The following COL4A1 variants were observed in gnomAD, a reference collection of about 807,000 sequenced individuals.
The protein encoded by COL4A1 is collagen type IV alpha 1 chain.
In COL4A1, 40 loss-of-function variants were observed where a neutral mutation model predicts 216.6. The ratio of observed to expected loss-of-function variants is 0.18; its 90% CI spans 0.14 to 0.24. COL4A1 has a LOEUF of 0.24. COL4A1 is among the 10% of genes least tolerant of loss of function. The pLI, the probability that COL4A1 is intolerant of heterozygous loss-of-function variation, is 1.00. For synonymous variants in COL4A1, 839 were observed against 810.7 expected (o/e 1.03, Z -0.59); for missense variants, 1,628 against 2,196.8 (o/e 0.74, Z 5.18).
chr13:110,158,431 T>C (rs1322385035), intron 49 of COL4A1, among the ~76,000 whole-genome samples: 1 of 152,170 alleles, frequency 6.6e-6, no homozygotes, highest in African/African-American at 2.4e-5. Flanking sequence ...GGCATGTTCA[T>C]CTAATGAAAG....
At chr13:110,219,707 C>T (rs1192190) in intron 2 of COL4A1, among the ~76,000 whole-genome samples, 881 of 37,068 alleles carry the variant, frequency 0.024, 9 homozygotes, top group African/African-American at 0.057. Context: ...TATGTATATA[C>T]ATATGTGTAT....
chr13:110,190,234 T>C (rs2893362), intron 24 of COL4A1, among the ~76,000 whole-genome samples: 1 of 152,088 alleles, frequency 6.6e-6, no homozygotes, highest in Admixed American at 6.6e-5. Context: ...AACTTCTTGA[T>C]TCTAAGTAGT....
At chr13:110,214,440 A>C (rs917185330) in intron 2 of COL4A1, among the ~76,000 whole-genome samples, 1 of 152,166 alleles carries the variant, frequency 6.6e-6, no homozygotes, top group Admixed American at 6.5e-5. Flanking sequence ...GGATAATCAG[A>C]GAGCTGGTAA....
chr13:110,219,716 A>ATATATATGTATATACATATGTG (rs1566385128), intron 2 of COL4A1, among the ~76,000 whole-genome samples: 4 of 137,414 alleles, frequency 2.9e-5, no homozygotes, highest in South Asian at 2.3e-4. Flanking sequence ...ACATATGTGT[A>ATATATATGTATATACATATGTG]TATATATGTG....
intron 24 of COL4A1, among the ~76,000 whole-genome samples, chr13:110,189,877 C>T (rs1246534021): frequency 6.9e-6 from 1 of 145,276 alleles, no homozygotes. Context: ...AGGGTAGGAC[C>T]AAGGTTTCCT....
intron 4 of COL4A1, among the ~76,000 whole-genome samples, chr13:110,213,191 G>A (rs1252482728): frequency 6.6e-6 from 1 of 151,910 alleles, no homozygotes; most frequent in Non-Finnish European, 1.5e-5. Flanking sequence ...GGTGACAGGT[G>A]CACTAAAATC....
intron 1 of COL4A1, among the ~76,000 whole-genome samples, chr13:110,302,082 G>C (rs1566456925): frequency 6.6e-6 from 1 of 152,180 alleles, no homozygotes; most frequent in Non-Finnish European, 1.5e-5. Context: ...CTGGAAGGGA[G>C]TCCCAGCCGT....
chr13:110,170,526 C>A, intron 42 of COL4A1, 21 bp downstream of exon 42: 1 of 1,582,854 alleles, frequency 6.3e-7, no homozygotes, highest in Non-Finnish European at 8.6e-7. Flanking sequence ...TCAGCCCTGG[C>A]CCCTGGCGAG....
At chr13:110,161,488 T>C (rs1359380448) in intron 48 of COL4A1, 119 bp from the exon 49 acceptor site, 1 of 1,194,724 alleles carries the variant, frequency 8.4e-7, no homozygotes, top group Non-Finnish European at 1.2e-6. Flanking sequence ...ATCACTGAAA[T>C]GGAAATGTAT....
At chr13:110,218,214 G>GCCCTACGACA (rs5806842) in intron 2 of COL4A1, among the ~76,000 whole-genome samples, 1 of 152,062 alleles carries the variant, frequency 6.6e-6, no homozygotes, top group Non-Finnish European at 1.5e-5. Context: ...ACTGTCAAAG[G>GCCCTACGACA]CCTGTTTCAG....
chr13:110,281,722 T>C (rs1566441385), intron 1 of COL4A1, among the ~76,000 whole-genome samples: 2 of 152,216 alleles, frequency 1.3e-5, no homozygotes, highest in Non-Finnish European at 2.9e-5. Flanking sequence ...CCAATGAATT[T>C]TCACAAAATA....
At chr13:110,248,458 GT>G (rs1449354416) in intron 1 of COL4A1, among the ~76,000 whole-genome samples, 1 of 152,184 alleles carries the variant, frequency 6.6e-6, no homozygotes, top group Non-Finnish European at 1.5e-5. Context: ...GCACTGGTAC[GT>G]TGCTCCAACT....
intron 1 of COL4A1, among the ~76,000 whole-genome samples, chr13:110,260,872 C>T (rs1315388722): frequency 1.3e-5 from 2 of 151,560 alleles, no homozygotes; most frequent in Non-Finnish European, 2.9e-5. Context: ...CTCGTCTCTA[C>T]TAAAAATACA....
chr13:110,279,091 G>A (rs73617438), intron 1 of COL4A1, among the ~76,000 whole-genome samples: 17,663 of 152,074 alleles, frequency 0.12, 1,145 homozygotes, highest in Non-Finnish European at 0.13. Context: ...GGCCACAGGT[G>A]CTCTCAATGT....
At chr13:110,243,566 G>A (rs1021804119) in intron 1 of COL4A1, among the ~76,000 whole-genome samples, 3 of 152,122 alleles carry the variant, frequency 2.0e-5, no homozygotes, top group African/African-American at 4.8e-5. Flanking sequence ...TGATCCACCC[G>A]CCTCAGCCTC....
intron 1 of COL4A1, among the ~76,000 whole-genome samples, chr13:110,281,342 CTG>C (rs1327337439): frequency 2.6e-5 from 4 of 152,182 alleles, no homozygotes; most frequent in Admixed American, 6.5e-5. Context: ...AAAAAGTACT[CTG>C]TGCTCCTTGA....
chr13:110,219,163 G>A (rs1880250789), intron 2 of COL4A1, among the ~76,000 whole-genome samples: 1 of 152,196 alleles, frequency 6.6e-6, no homozygotes, highest in South Asian at 2.1e-4. Context: ...GTCAGGGCAG[G>A]AATACTGCCA....
chr13:110,165,092 T>C, intron 45 of COL4A1, 102 bp from the exon 46 acceptor site: 1 of 1,519,224 alleles, frequency 6.6e-7, no homozygotes, highest in Non-Finnish European at 8.9e-7. Flanking sequence ...AAATGGAACG[T>C]ACTTCTCAAA....
At position 110,183,293 on chromosome 13, in the gene COL4A1, G is replaced by C. The variant is rs1418195697; in HGVS notation, c.1898-17C>G. Reference sequence around the variant, plus strand: ...CCTTTGGACCTAGAGGAAAAAAAGAGCAAAGACAAACGATGAAGGAATGAG... The same window carrying C: ...CCTTTGGACCTAGAGGAAAAAAAGACCAAAGACAAACGATGAAGGAATGAG... On this transcript the variant is annotated splice_polypyrimidine_tract_variant and intron_variant, in intron 26 of 51. Transcript: ENST00000375820. 1 of 1,608,634 alleles carries C rather than the reference G, an allele frequency of 6.2e-7. No individual in the cohort carries two copies. The highest frequency in any genetic ancestry group is 1.7e-5 in the Admixed American group (1 of 59,628).
Sources: gnomAD v4.1 joint callset for allele counts (sites outside exome capture counted in the v4.1 genomes callset) on GRCh38, gnomAD v4.1.1 for gene constraint, MANE v1.5 for transcripts, NCBI Gene and HGNC (gene_info 2026-07-23, HGNC 2026-07-21) for gene names.